E2F7: variants seen among roughly 807,000 people sequenced by gnomAD.
E2F7 encodes the protein E2F transcription factor 7, also known as transcription factor E2F7.
E2F7 carries 35 observed loss-of-function variants against 81.1 expected under a neutral mutation model. That is an observed-to-expected ratio of 0.43 (90% confidence interval 0.33 to 0.57). The LOEUF is 0.57. Ranked by LOEUF, E2F7 falls within the 20% of genes least tolerant of loss-of-function variation. The pLI, the probability that E2F7 is intolerant of heterozygous loss-of-function variation, is 0.04. For missense variants in E2F7, 961 were observed against 1,093.7 expected, an observed-to-expected ratio of 0.88 and a Z score of 1.71; for synonymous variants, 416 against 416.2, an observed-to-expected ratio of 1.00 and a Z score of 0.01.
In E2F7 at chr12:77,029,844, A is replaced by T; in HGVS notation, c.1871T>A (p.Leu624His). ...GCACTCCCTTACCTTGGGCATGACA[A>T]GCGACAGCGGGCCGTCTTCATATTC... is the stretch of plus-strand genomic sequence containing the variant. ...SREYEDGPLS[L>H]VMPKKPSDST... The change falls in exon 10 of 13, where the codon CTT becomes CAT. Residue 624 changes from leucine (L) to histidine (H), a missense_variant. Coordinates refer to ENST00000322886, the MANE Select transcript of E2F7 (RefSeq NM_203394.3). The T allele has an allele frequency of 6.2e-7, 1 of 1,614,152 alleles. No individual in the cohort carries two copies. The highest frequency in any genetic ancestry group is 8.5e-7 in the Non-Finnish European group (1 of 1,179,984).
chr12:77,042,792 C>T (rs1387138326), intron 7 of E2F7, among the ~76,000 whole-genome samples: 1 of 152,182 alleles, frequency 6.6e-6, no homozygotes, highest in African/African-American at 2.4e-5. Flanking sequence ...CCCAAACTTT[C>T]AGGAAAAAGC....
intron 2 of E2F7, 58 bp from the exon 3 acceptor site, chr12:77,056,188 T>C: frequency 2.0e-6 from 3 of 1,486,666 alleles, no homozygotes; most frequent in Admixed American, 4.3e-5. Context: ...CAGCTAAGAG[T>C]ATACTTTGTT....
At chr12:77,048,215 A>G (rs146754870) in intron 4 of E2F7, among the ~76,000 whole-genome samples, 1 of 152,276 alleles carries the variant, frequency 6.6e-6, no homozygotes, top group African/African-American at 2.4e-5. Flanking sequence ...GGTGCACTAA[A>G]AAGTTCCACT....
At chr12:77,063,264 G>C (rs1955092487) in intron 2 of E2F7, among the ~76,000 whole-genome samples, 1 of 152,218 alleles carries the variant, frequency 6.6e-6, no homozygotes, top group Non-Finnish European at 1.5e-5. Context: ...AAGCCATAAA[G>C]TGCTTCTTTT....
intron 2 of E2F7, among the ~76,000 whole-genome samples, chr12:77,056,934 C>A (rs1955038327): frequency 6.6e-6 from 1 of 150,908 alleles, no homozygotes; most frequent in Non-Finnish European, 1.5e-5. Flanking sequence ...GTTGCCCAGC[C>A]TGAGTACAGT....
In E2F7 at chr12:77,056,111, C is replaced by T. The variant is rs149646617; in HGVS notation, c.113G>A (p.Arg38Gln). The T allele has an allele frequency of 8.1e-6, 13 of 1,601,184 alleles. No individual in the cohort carries two copies. The East Asian group carries it at 1.6e-4, about 19-fold the overall frequency. The change falls in exon 3 of 13, where the codon CGA (arginine) becomes CAA (glutamine). Residue 38 changes from arginine (R) to glutamine (Q), a missense_variant. Physicochemically the swap from Arg to Gln is conservative, Grantham distance 43. Coordinates refer to ENST00000322886, the MANE Select transcript of E2F7 (RefSeq NM_203394.3). ...NAQKENIFVD[R>Q]SRMAPKTPIK... ...TGGAGTCTTCGGGGCCATCCTTGAT[C>T]GATCAACAAATATATTTTCCTATTT...
chr12:77,042,208 A>G (rs1239200766), intron 7 of E2F7, among the ~76,000 whole-genome samples: 7 of 152,210 alleles, frequency 4.6e-5, no homozygotes, highest in African/African-American at 1.4e-4. Flanking sequence ...GGCCCTTAAT[A>G]TAGTCATTGG....
intron 9 of E2F7, 59 bp from the exon 10 acceptor site, chr12:77,030,391 C>G: frequency 2.0e-6 from 3 of 1,503,676 alleles, no homozygotes; most frequent in Non-Finnish European, 2.7e-6. Context: ...TGACCCTTTA[C>G]TTTCCCAAAG....
Position 77,021,735 on chromosome 12 carries a change from T to TA in E2F7, c.*2279dup, listed in dbSNP as rs1300296465. The TA allele has an allele frequency of 6.6e-6, 1 of 152,354 alleles. No individual in the cohort carries two copies. The highest frequency in any genetic ancestry group is 2.4e-5 in the African/African-American group (1 of 41,444). The allele number at this position is 152,354 out of a possible 1,614,324, so 9.4% of individuals were successfully genotyped here. On this transcript the variant is annotated 3_prime_UTR_variant, in exon 13 of 13. Coordinates refer to ENST00000322886, the MANE Select transcript of E2F7 (RefSeq NM_203394.3). ...TTTTTTCTTTTACTAAATTATACAA[T>TA]AATAGACTCAAGATTGCCATTGCTT...
Position 77,044,650 on chromosome 12 carries a change from A to G in E2F7, c.975T>C (p.His325=), listed in dbSNP as rs1426411154. The G allele has an allele frequency of 5.0e-6, 8 of 1,613,950 alleles. No homozygotes were observed. Among genetic ancestry groups the G allele is most frequent in the South Asian group, 1.1e-5 (1 of 91,002 alleles). ...LIEESQDAPD[H]SKFKTKVRRL... The stretch of plus-strand genomic sequence containing the variant: ...GAAGATTCTTACTTTTAAATTTACT[A>G]TGGTCTGGGGCATCTTGGCTTTCTT... The change falls in exon 6 of 13, where the codon CAT becomes CAC. Residue 325 remains histidine (H), a synonymous_variant. Coordinates refer to ENST00000322886, the MANE Select transcript of E2F7 (RefSeq NM_203394.3).
intron 7 of E2F7, among the ~76,000 whole-genome samples, chr12:77,040,261 C>T (rs951285060): frequency 3.3e-5 from 5 of 152,160 alleles, no homozygotes; most frequent in African/African-American, 1.2e-4. Flanking sequence ...GCTTATATAA[C>T]ACATGTATAT....
intron 3 of E2F7, among the ~76,000 whole-genome samples, chr12:77,053,850 C>T (rs1358213138): frequency 6.6e-6 from 1 of 152,094 alleles, no homozygotes; most frequent in East Asian, 1.9e-4. Flanking sequence ...AATGGTTATT[C>T]TGTTGGGGAG....
At chr12:77,039,143 G>A (rs1224326321) in intron 7 of E2F7, among the ~76,000 whole-genome samples, 2 of 152,148 alleles carry the variant, frequency 1.3e-5, no homozygotes, top group South Asian at 2.1e-4. Flanking sequence ...TCAACAAATG[G>A]TGCTGGTACA....
In E2F7 at chr12:77,050,674, A is replaced by G. The variant is rs1954979076; in HGVS notation, c.440T>C (p.Leu147Ser). 6.2e-7 allele frequency: 1 copy of G among 1,613,984 alleles called. No individual in the cohort carries two copies. The highest frequency in any genetic ancestry group is 8.5e-7 in the Non-Finnish European group (1 of 1,179,928). ...KQRPSRKQKSLGLLCQKFLAR... is the reference protein window; with the variant it reads ...KQRPSRKQKSSGLLCQKFLAR... ...TAGAAACTTCTGGCACAGGAGTCCT[A>G]AACTTTTCTGTTTTCTGCTTGGCCT... is the stretch of plus-strand genomic sequence containing the variant. The change falls in exon 4 of 13, where the codon TTA (leucine) becomes TCA (serine). Residue 147 changes from leucine to serine, a missense_variant. By Grantham distance (145) the Leu-to-Ser change is moderately radical. Coordinates refer to ENST00000322886, the MANE Select transcript of E2F7 (RefSeq NM_203394.3).
intron 3 of E2F7, among the ~76,000 whole-genome samples, chr12:77,053,183 G>A (rs187004384): frequency 3.3e-5 from 5 of 152,218 alleles, no homozygotes; most frequent in Admixed American, 1.3e-4. Flanking sequence ...CAAACTTTTT[G>A]CTCCAAGGAC....
chr12:77,025,943 G>T lies in E2F7; in HGVS notation c.2180C>A (p.Thr727Asn). Residue 727 changes from threonine (T) to asparagine (N), a missense_variant, in exon 12 of 13, where the codon ACC becomes AAC. This residue lies in a region of E2F7 where 587 missense variants were observed against 620.3 expected (regional missense o/e 0.95). Coordinates refer to ENST00000322886, the MANE Select transcript of E2F7 (RefSeq NM_203394.3). ...GFNVLLSGSQ[T>N]PPTVGPSSGQ... ...TGAGGACGGGCCCACAGTAGGGGGG[G>T]TTTGACTGCCAGATAAAAGTACATT... is the stretch of plus-strand genomic sequence containing the variant. The T allele has an allele frequency of 1.2e-6, 2 of 1,612,840 alleles. No individual in the cohort carries two copies. Among genetic ancestry groups the T allele is most frequent in the Non-Finnish European group, 1.7e-6 (2 of 1,179,466 alleles).
At chr12:77,055,834 T>C (rs556409898) in intron 3 of E2F7, 21 bp downstream of exon 3, 5 of 1,552,502 alleles carry the variant, frequency 3.2e-6, no homozygotes, top group Admixed American at 4.3e-5. Context: ...AAAAAATCCC[T>C]GAGGAGCACA....
At position 77,049,542 on chromosome 12, in the gene E2F7, T is replaced by G. The variant is rs555527572; in HGVS notation, c.538+1034A>C. ...TCCAAGTTATAGACCAAAAGAAGGTTACTTCACTTTTTAAAGCTCTTACAG... is the reference window on the plus strand; with the variant it reads ...TCCAAGTTATAGACCAAAAGAAGGTGACTTCACTTTTTAAAGCTCTTACAG... On this transcript the variant is annotated intron_variant, in intron 4 of 12. Coordinates refer to ENST00000322886, the MANE Select transcript of E2F7 (RefSeq NM_203394.3). Among the ~76,000 whole-genome samples the G allele has an allele frequency of 7.2e-5, 11 of 152,282 alleles. No individual in the cohort carries two copies. The South Asian group carries it at 2.3e-3, about 32-fold the overall frequency.
chr12:77,042,097 G>A (rs1954898995), intron 7 of E2F7, among the ~76,000 whole-genome samples: 1 of 152,200 alleles, frequency 6.6e-6, no homozygotes. Flanking sequence ...GGCTTCACAG[G>A]TGAAAAGAAC....
Sources: gnomAD v4.1 joint callset for allele counts (sites outside exome capture counted in the v4.1 genomes callset) on GRCh38, gnomAD v4.1.1 for gene constraint, gnomAD v4.1.1 regional missense constraint, MANE v1.5 for transcripts, NCBI Gene and HGNC (gene_info 2026-07-23, HGNC 2026-07-21) for gene names.